The following HEPN1 variants were observed in gnomAD, a reference collection of about 807,000 sequenced individuals.
The protein encoded by HEPN1 is protein HEPN1.
For synonymous variants in HEPN1, 46 were observed against 41.2 expected, an observed-to-expected ratio of 1.12 and a Z score of -0.45; for missense variants, 97 against 103.3, an observed-to-expected ratio of 0.94 and a Z score of 0.26.
chr11:124,920,617 C>T (rs1293113486), exon 1 of HEPN1: 18 of 1,059,176 alleles, frequency 1.7e-5, no homozygotes, highest in Non-Finnish European at 2.0e-5. Context: ...CGGCATCTGG[C>T]TTCTCCTTAG....
chr11:124,919,588 A>C, exon 1 of HEPN1: 1 of 683,888 alleles, frequency 1.5e-6, no homozygotes, highest in Non-Finnish European at 2.4e-6. Context: ...GCACCTGGGA[A>C]GTTTAGGGGA....
At chr11:124,919,965 G>A (rs1391923120) in exon 1 of HEPN1, 3 of 1,613,608 alleles carry the variant, frequency 1.9e-6, no homozygotes, top group Non-Finnish European at 2.5e-6. Flanking sequence ...CGGTGGCATG[G>A]GCATGTCCTG....
exon 1 of HEPN1, chr11:124,920,199 A>G: frequency 1.1e-6 from 1 of 886,070 alleles, no homozygotes; most frequent in Admixed American, 2.9e-5. Context: ...AGGAAGCTCA[A>G]CAACTTTCCT....
At chr11:124,919,967 C>A (rs1360590487) in exon 1 of HEPN1, 4 of 1,613,624 alleles carry the variant, frequency 2.5e-6, no homozygotes, top group Non-Finnish European at 3.4e-6. Context: ...GTGGCATGGG[C>A]ATGTCCTGGC....
At chr11:124,920,677 GCAAAAAAA>G (rs1947118048), downstream of HEPN1, 138 of 107,774 alleles carry the variant, frequency 1.3e-3, no homozygotes, top group Non-Finnish European at 1.4e-3. Context: ...ATCTGAACTT[GCAAAAAAA>G]AAAAAAAAAA....
exon 1 of HEPN1, chr11:124,920,668 T>C: frequency 3.9e-6 from 1 of 255,588 alleles, no homozygotes; most frequent in Non-Finnish European, 5.2e-6. Flanking sequence ...GCCTCTCTAA[T>C]CTGAACTTGC....
exon 1 of HEPN1, chr11:124,919,547 C>T: frequency 1.7e-6 from 1 of 598,960 alleles, no homozygotes; most frequent in Non-Finnish European, 2.9e-6. Flanking sequence ...AGAAACTTTT[C>T]CCCTACATGC....
chr11:124,920,630 T>C (rs911698533), exon 1 of HEPN1: 6 of 1,043,234 alleles, frequency 5.8e-6, no homozygotes, highest in Non-Finnish European at 6.9e-6. Flanking sequence ...CTCCTTAGCT[T>C]AGTGCAGCTG....
chr11:124,920,549 G>A, exon 1 of HEPN1: 4 of 1,378,350 alleles, frequency 2.9e-6, no homozygotes, highest in South Asian at 1.4e-5. Flanking sequence ...GGTGCCCAGG[G>A]AAGAAGGCCT....
At chr11:124,920,548 G>A in exon 1 of HEPN1, 2 of 1,380,458 alleles carry the variant, frequency 1.4e-6, no homozygotes, top group Non-Finnish European at 1.9e-6. Flanking sequence ...AGGTGCCCAG[G>A]GAAGAAGGCC....
At chr11:124,919,661 A>G in exon 1 of HEPN1, 2 of 1,417,408 alleles carry the variant, frequency 1.4e-6, no homozygotes, top group Non-Finnish European at 1.9e-6. Flanking sequence ...GAGCTGAGAC[A>G]GGCATGCTGT....
chr11:124,920,513 A>C (rs1437061303), exon 1 of HEPN1: 2 of 1,462,770 alleles, frequency 1.4e-6, no homozygotes, highest in African/African-American at 2.8e-5. Flanking sequence ...CCCTTCCCTC[A>C]CCACCTTGTA....
At chr11:124,920,396 G>A in exon 1 of HEPN1, 1 of 1,548,418 alleles carries the variant, frequency 6.5e-7, no homozygotes. Context: ...AAGAGTGCTT[G>A]GCATGGCATG....
exon 1 of HEPN1, chr11:124,920,098 T>G (rs1021832211): frequency 6.8e-7 from 1 of 1,463,220 alleles, no homozygotes; most frequent in African/African-American, 1.4e-5. Context: ...GGCCAGGGGT[T>G]GGATCATGTT....
At chr11:124,920,351 C>G (rs1469466888) in exon 1 of HEPN1, 1 of 1,510,316 alleles carries the variant, frequency 6.6e-7, no homozygotes, top group Non-Finnish European at 9.0e-7. Flanking sequence ...TAAGAATAAG[C>G]CCATCCATCT....
chr11:124,920,054 G>A (rs1947105365), exon 1 of HEPN1: 2 of 1,593,218 alleles, frequency 1.3e-6, no homozygotes, highest in Non-Finnish European at 1.7e-6. Flanking sequence ...CCTGGGACCT[G>A]AGCATGTGGG....
exon 1 of HEPN1, chr11:124,920,335 T>C (rs1203179491): frequency 1.0e-5 from 15 of 1,469,120 alleles, no homozygotes; most frequent in Non-Finnish European, 1.4e-5. Context: ...GAAATTCACT[T>C]CTCTATAAGA....
rs886047919 is a variant in HEPN1 at position 124,919,686 on chromosome 11, AG to A, written c.-60del. Reference sequence around the variant, plus strand: ...AGGCATGCTGTGGGGTTCAGGGCAGAGGGGGCAAACTAGAAATGTCAGTGCC... The same window carrying A: ...AGGCATGCTGTGGGGTTCAGGGCAGAGGGGCAAACTAGAAATGTCAGTGCC... On this transcript the variant is annotated 5_prime_UTR_variant, in exon 1 of 1. An upstream open reading frame in the 5' UTR gains an earlier in-frame stop. Coordinates refer to ENST00000408930, the Ensembl canonical transcript of HEPN1. The A allele has an allele frequency of 2.7e-5, 42 of 1,571,446 alleles. No homozygotes were observed. Among genetic ancestry groups the A allele is most frequent in the Non-Finnish European group, 3.5e-5 (40 of 1,155,736 alleles).
At chr11:124,920,677 G>GAA (rs1565336612), downstream of HEPN1, 221 of 108,084 alleles carry the variant, frequency 2.0e-3, 2 homozygotes, top group African/African-American at 2.2e-3. Context: ...ATCTGAACTT[G>GAA]CAAAAAAAAA....
Sources: gnomAD v4.1 joint callset for allele counts on GRCh38, gnomAD v4.1.1 for gene constraint, MANE v1.5 for transcripts, NCBI Gene and HGNC (gene_info 2026-07-23, HGNC 2026-07-21) for gene names.